The following AGPS variants were observed in gnomAD, a reference collection of about 807,000 sequenced individuals.
AGPS encodes alkyldihydroxyacetonephosphate synthase, peroxisomal.
In AGPS, 26 loss-of-function variants were observed where a neutral mutation model predicts 90.7. The observed-to-expected ratio is 0.29, with a 90% confidence interval of 0.21 to 0.40. The LOEUF (loss-of-function observed/expected upper bound fraction) is 0.40. Among genes scored for constraint, AGPS ranks in the 10% least tolerant of loss-of-function variants. The pLI is 1.00. For synonymous variants in AGPS, 294 were observed against 285.3 expected (o/e 1.03, Z -0.31); for missense variants, 540 against 816.1 (o/e 0.66, Z 4.12).
rs1484298580 is a variant in AGPS, at chr2:177,462,407, A to AG, written c.996+389_996+390insG. Among the ~76,000 whole-genome samples, 53 of 147,578 alleles carry AG rather than the reference A, an allele frequency of 3.6e-4. 4 individuals carry two copies. In the East Asian group the frequency reaches 3.7e-3, roughly 10 times the overall value. On this transcript the variant is annotated intron_variant, in intron 9 of 19. Transcript: ENST00000264167. ...GATTCTGTCTCAAAAAAAAAAAAAG[A>AG]AAAAAGAAAAAGAGTTGGATGGTAG...
At chr2:177,410,529 C>G (rs1685590039) in intron 1 of AGPS, among the ~76,000 whole-genome samples, 1 of 152,244 alleles carries the variant, frequency 6.6e-6, no homozygotes, top group Middle Eastern at 3.4e-3. Flanking sequence ...AATGTCTCTC[C>G]CTAACAAAGG....
intron 1 of AGPS, among the ~76,000 whole-genome samples, chr2:177,397,367 C>T (rs1685210148): frequency 6.6e-6 from 1 of 151,948 alleles, no homozygotes. Flanking sequence ...TACAGTTTTT[C>T]TTTTGACTTT....
intron 11 of AGPS, among the ~76,000 whole-genome samples, chr2:177,483,288 A>T (rs182237828): frequency 6.6e-6 from 1 of 152,290 alleles, no homozygotes; most frequent in Non-Finnish European, 1.5e-5. Context: ...ATTTACTCAC[A>T]TATATATATC....
rs758101960 is a variant in AGPS at position 177,461,997 on chromosome 2, C to T, written c.975C>T (p.Ile325=). The change falls in exon 9 of 20, where the codon ATC becomes ATT. Residue 325 remains isoleucine, a synonymous_variant. Transcript: ENST00000264167. ...STRASGMKKN[I]YGNIEDLVVH... The stretch of plus-strand genomic sequence containing the variant: ...GCGCATCAGGCATGAAGAAGAATAT[C>T]TATGGCAATATCGAGGACCTGGTAA... The T allele has an allele frequency of 6.2e-7, 1 of 1,610,958 alleles. No individual in the cohort carries two copies. Among genetic ancestry groups the T allele is most frequent in the African/African-American group, 1.3e-5 (1 of 74,760 alleles).
At chr2:177,494,103 T>A (rs1166085735) in intron 12 of AGPS, among the ~76,000 whole-genome samples, 1 of 152,186 alleles carries the variant, frequency 6.6e-6, no homozygotes, top group African/African-American at 2.4e-5. Context: ...GTTTATAGAA[T>A]TTAAATACCC....
In AGPS at chr2:177,397,666, T is replaced by G. The variant is rs141607132; in HGVS notation, c.260+4617T>G. Among the ~76,000 whole-genome samples, 714 of 152,318 alleles carry G rather than the reference T, an allele frequency of 4.7e-3. 2 individuals are homozygous for G. The highest frequency in any genetic ancestry group is 8.1e-3 in the Non-Finnish European group (554 of 68,018). On this transcript the variant is annotated intron_variant, in intron 1 of 19. Transcript: ENST00000264167. ...TAAATGTTCAGGTCAAAAGAATGATTAAGAACGCCACTAATTGTTTAGTCT... is the reference window on the plus strand; with the variant it reads ...TAAATGTTCAGGTCAAAAGAATGATGAAGAACGCCACTAATTGTTTAGTCT...
chr2:177,475,404 G>C (rs752639431), intron 10 of AGPS, among the ~76,000 whole-genome samples: 3 of 152,046 alleles, frequency 2.0e-5, no homozygotes, highest in Non-Finnish European at 2.9e-5. Flanking sequence ...ACAAAGTTTT[G>C]GAAATTCACC....
intron 3 of AGPS, among the ~76,000 whole-genome samples, chr2:177,434,847 T>C (rs983139317): frequency 1.3e-5 from 2 of 151,724 alleles, no homozygotes; most frequent in African/African-American, 4.8e-5. Context: ...AAAATAAAAA[T>C]GTAAAATCAC....
At chr2:177,416,364 A>G (rs948362993) in intron 1 of AGPS, among the ~76,000 whole-genome samples, 2 of 152,232 alleles carry the variant, frequency 1.3e-5, no homozygotes, top group South Asian at 4.1e-4. Context: ...CCTTGTGCAT[A>G]TAGGATGCTA....
intron 1 of AGPS, among the ~76,000 whole-genome samples, chr2:177,400,966 T>G (rs778830602): frequency 2.6e-5 from 4 of 152,254 alleles, no homozygotes; most frequent in Admixed American, 6.5e-5. Context: ...GACACCTACT[T>G]GAATTCTCTT....
chr2:177,485,537 C>T (rs1342264257), intron 11 of AGPS, among the ~76,000 whole-genome samples: 1 of 152,116 alleles, frequency 6.6e-6, no homozygotes. Context: ...TTCATCCTTG[C>T]AGAAATCAGT....
At chr2:177,427,030 T>G (rs1417900043) in intron 2 of AGPS, among the ~76,000 whole-genome samples, 1 of 152,180 alleles carries the variant, frequency 6.6e-6, no homozygotes, top group Non-Finnish European at 1.5e-5. Flanking sequence ...CTGTCTCATT[T>G]TCAGAACTCA....
intron 9 of AGPS, among the ~76,000 whole-genome samples, chr2:177,463,082 C>A (rs1687348078): frequency 6.6e-6 from 1 of 152,102 alleles, no homozygotes; most frequent in South Asian, 2.1e-4. Flanking sequence ...AATTGTTCTA[C>A]CAAGTAGTGG....
chr2:177,428,541 G>T (rs1686146108), intron 2 of AGPS, among the ~76,000 whole-genome samples: 1 of 152,172 alleles, frequency 6.6e-6, no homozygotes, highest in Admixed American at 6.5e-5. Flanking sequence ...CTCAGCATTT[G>T]CTTGTCTGGA....
At chr2:177,405,210 A>G (rs1685432794) in intron 1 of AGPS, among the ~76,000 whole-genome samples, 1 of 152,236 alleles carries the variant, frequency 6.6e-6, no homozygotes, top group South Asian at 2.1e-4. Context: ...AATTCAGCCA[A>G]TAGCACAGAA....
At chr2:177,409,921 T>C (rs1011781480) in intron 1 of AGPS, among the ~76,000 whole-genome samples, 6 of 152,372 alleles carry the variant, frequency 3.9e-5, no homozygotes, top group African/African-American at 1.4e-4. Flanking sequence ...AGGCCCTGAC[T>C]ATCTGCTTGA....
intron 11 of AGPS, among the ~76,000 whole-genome samples, chr2:177,490,846 CTTTTTTTT>C (rs61555724): frequency 3.4e-5 from 2 of 58,200 alleles, no homozygotes; most frequent in South Asian, 7.9e-4. Flanking sequence ...AAGTTGCAGA[CTTTTTTTT>C]TTTTTTTTTT....
chr2:177,492,879 G>A (rs1688305712), intron 11 of AGPS, among the ~76,000 whole-genome samples: 3 of 150,436 alleles, frequency 2.0e-5, no homozygotes, highest in Admixed American at 1.3e-4. Context: ...ACATTAGGCA[G>A]CTTTTTCTGC....
Position 177,392,788 on chromosome 2 carries a change from C to A in AGPS, c.-2C>A. On this transcript the variant is annotated 5_prime_UTR_variant, in exon 1 of 20. Coordinates refer to ENST00000264167, the MANE Select transcript of AGPS (RefSeq NM_003659.4). ...TCCGGGCGGCAGCACAAGGCGGTAG[C>A]CATGGCGGAGGCGGCGGCTGCAGCG... The A allele has an allele frequency of 6.7e-7, 1 of 1,492,214 alleles. No homozygotes were observed. The highest frequency in any genetic ancestry group is 8.8e-7 in the Non-Finnish European group (1 of 1,134,422). The allele number at this position is 1,492,214 out of a possible 1,614,324, so 92.4% of individuals were successfully genotyped here.
Sources: allele counts gnomAD v4.1 joint callset (sites outside exome capture counted in the v4.1 genomes callset), GRCh38; gene constraint gnomAD v4.1.1; transcripts MANE v1.5; gene names NCBI Gene and HGNC (gene_info 2026-07-23, HGNC 2026-07-21).